Variants in SRPK2 observed in about 807,000 individuals in gnomAD.
The protein encoded by SRPK2 is SRSF protein kinase 2.
SRPK2 carries 21 observed loss-of-function variants against 90.8 expected under a neutral mutation model. That is an observed-to-expected ratio of 0.23 (90% CI 0.16 to 0.33). The LOEUF (loss-of-function observed/expected upper bound fraction) is 0.33, where lower values mean the gene tolerates loss of function less well. Ranked by LOEUF, SRPK2 falls within the 10% of genes least tolerant of loss-of-function variation. SRPK2 has a pLI of 1.00. For synonymous variants in SRPK2, 288 were observed against 311.1 expected (o/e 0.93, Z 0.78); for missense variants, 620 against 869.0 (o/e 0.71, Z 3.60).
At chr7:105,286,999 CGCCT>C (rs1808192303) in intron 2 of SRPK2, among the ~76,000 whole-genome samples, 1 of 152,054 alleles carries the variant, frequency 6.6e-6, no homozygotes, top group Non-Finnish European at 1.5e-5. Context: ...CGGTGGCTCA[CGCCT>C]GTAATCCCAG....
At chr7:105,334,633 T>A (rs1585758383) in intron 2 of SRPK2, among the ~76,000 whole-genome samples, 1 of 150,770 alleles carries the variant, frequency 6.6e-6, no homozygotes, top group African/African-American at 2.4e-5. Context: ...AGGTCAGGAG[T>A]CCGAGACCAG....
intron 7 of SRPK2, among the ~76,000 whole-genome samples, chr7:105,154,590 C>T (rs1430373798): frequency 1.3e-5 from 2 of 152,200 alleles, no homozygotes; most frequent in East Asian, 3.9e-4. Flanking sequence ...GGGTTGCACC[C>T]CAAAGGGAGA....
intron 3 of SRPK2, among the ~76,000 whole-genome samples, chr7:105,188,478 A>G (rs556358789): frequency 1.3e-5 from 2 of 152,366 alleles, no homozygotes; most frequent in African/African-American, 4.8e-5. Flanking sequence ...AGAGAATGTT[A>G]TGTTTGCAAA....
chr7:105,289,726 TA>T (rs1209041514), intron 2 of SRPK2, among the ~76,000 whole-genome samples: 1 of 152,248 alleles, frequency 6.6e-6, no homozygotes, highest in Admixed American at 6.5e-5. Context: ...AGTAACACTT[TA>T]AATTTCCGTC....
chr7:105,148,763 G>GCTTTGCCCCAGCCA (rs1453859364), intron 7 of SRPK2, among the ~76,000 whole-genome samples: 1 of 152,216 alleles, frequency 6.6e-6, no homozygotes, highest in Non-Finnish European at 1.5e-5. Flanking sequence ...TTAATTTGTA[G>GCTTTGCCCCAGCCA]CTTTGCCCCA....
chr7:105,301,003 A>C (rs951565953), intron 2 of SRPK2, among the ~76,000 whole-genome samples: 26 of 152,360 alleles, frequency 1.7e-4, no homozygotes, highest in African/African-American at 6.0e-4. Flanking sequence ...TTGACCCAGC[A>C]ATCCCATTAC....
intron 2 of SRPK2, among the ~76,000 whole-genome samples, chr7:105,305,676 T>C (rs1223342707): frequency 6.6e-6 from 1 of 152,172 alleles, no homozygotes; most frequent in African/African-American, 2.4e-5. Flanking sequence ...CCTACCCTCT[T>C]AGATTCAGTG....
chr7:105,352,452 C>T (rs1041036729), intron 2 of SRPK2, among the ~76,000 whole-genome samples: 7 of 152,254 alleles, frequency 4.6e-5, no homozygotes, highest in African/African-American at 1.7e-4. Context: ...GCAGATCCTC[C>T]AGCCTCAGCC....
At position 105,269,931 on chromosome 7, in the gene SRPK2, A is replaced by T. The variant is rs185584790; in HGVS notation, c.72-66146T>A. 3.7e-3 allele frequency among the ~76,000 whole-genome samples: 563 copies of T among 152,352 alleles called. 3 individuals carry two copies. Among genetic ancestry groups the T allele is most frequent in the Admixed American group, 8.0e-3 (123 of 15,312 alleles). On this transcript the variant is annotated intron_variant, in intron 2 of 15. Coordinates refer to ENST00000393651, the MANE Select transcript of SRPK2 (RefSeq NM_182692.3). ...ACTAAAAAATAAATTAGTGCCAATA[A>T]AATGCTATCAACAGTACCAGGATTT...
At chr7:105,364,518 A>C (rs1398875802) in intron 2 of SRPK2, among the ~76,000 whole-genome samples, 1 of 150,940 alleles carries the variant, frequency 6.6e-6, no homozygotes, top group Non-Finnish European at 1.5e-5. Context: ...CTCCTGCCTC[A>C]GCCTCCCAAG....
At chr7:105,326,206 T>G (rs528105998) in intron 2 of SRPK2, among the ~76,000 whole-genome samples, 26 of 152,320 alleles carry the variant, frequency 1.7e-4, no homozygotes, top group African/African-American at 6.0e-4. Flanking sequence ...TAAGACCACC[T>G]GGCCAAGCCA....
chr7:105,370,769 T>C (rs1284281332), intron 2 of SRPK2, among the ~76,000 whole-genome samples: 2 of 151,806 alleles, frequency 1.3e-5, no homozygotes, highest in Non-Finnish European at 2.9e-5. Flanking sequence ...GCGTGCACCA[T>C]CAAGCCTGAC....
chr7:105,161,928 A>G (rs904081395), intron 6 of SRPK2, among the ~76,000 whole-genome samples: 2 of 152,122 alleles, frequency 1.3e-5, no homozygotes, highest in African/African-American at 4.8e-5. Context: ...TTCTTTTCTT[A>G]AAAAAGACAG....
At chr7:105,371,586 C>CAAAAAA (rs66731193) in intron 2 of SRPK2, among the ~76,000 whole-genome samples, 3 of 106,708 alleles carry the variant, frequency 2.8e-5, no homozygotes. Flanking sequence ...CCCATCTCTA[C>CAAAAAA]AAAAAAAAAA....
chr7:105,218,499 G>C lies in SRPK2; in HGVS notation c.72-14714C>G, dbSNP rs561103659. Among the ~76,000 whole-genome samples, 28 of 152,268 alleles carry C rather than the reference G, an allele frequency of 1.8e-4. 2 individuals carry two copies. In the South Asian group the frequency reaches 4.6e-3, roughly 25 times the overall value. ...GGGTGTCAACTGGCAATGCACTAAC[G>C]TGAGTTTATGGTCCAAACACAAGTA... On this transcript the variant is annotated intron_variant, in intron 2 of 15. Transcript: ENST00000393651.
At chr7:105,120,035 G>C (rs1372638141) in intron 15 of SRPK2, among the ~76,000 whole-genome samples, 2 of 152,174 alleles carry the variant, frequency 1.3e-5, no homozygotes, top group African/African-American at 4.8e-5. Context: ...GAAATCAACT[G>C]AATCAAAACA....
chr7:105,214,547 A>G (rs1393855194), intron 2 of SRPK2, among the ~76,000 whole-genome samples: 2 of 152,236 alleles, frequency 1.3e-5, no homozygotes, highest in African/African-American at 4.8e-5. Flanking sequence ...TGTTAATAAC[A>G]TTATGATAAA....
intron 2 of SRPK2, among the ~76,000 whole-genome samples, chr7:105,354,723 T>C (rs919489458): frequency 6.6e-6 from 1 of 152,224 alleles, no homozygotes; most frequent in Non-Finnish European, 1.5e-5. Context: ...TGTTGTTTTT[T>C]AATAACAACT....
At chr7:105,115,629 G>GAT (rs1331192761), downstream of SRPK2, 1 of 152,142 alleles carries the variant, frequency 6.6e-6, no homozygotes, top group Non-Finnish European at 1.5e-5. Context: ...CCAAGAATCT[G>GAT]ATAAAGCCAT....
Sources: allele counts gnomAD v4.1 joint callset (sites outside exome capture counted in the v4.1 genomes callset), GRCh38; gene constraint gnomAD v4.1.1; transcripts MANE v1.5; gene names NCBI Gene and HGNC (gene_info 2026-07-23, HGNC 2026-07-21).